The following GAB2 variants were observed in gnomAD, a reference collection of about 807,000 sequenced individuals.
GAB2 encodes GRB2 associated binding protein 2.
GAB2 carries 26 observed loss-of-function variants against 65.5 expected under a neutral mutation model. The observed-to-expected ratio is 0.40, with a 90% confidence interval of 0.29 to 0.55. GAB2 has a LOEUF of 0.55. GAB2 is among the 20% of genes least tolerant of loss of function. The probability of loss-of-function intolerance (pLI) is 0.53; values close to 1 mark genes in which losing one functional copy is unlikely to be tolerated. For synonymous variants in GAB2, 321 were observed against 329.6 expected (o/e 0.97, Z 0.28); for missense variants, 884 against 875.8 (o/e 1.01, Z -0.12).
At chr11:78,307,090 A>AG (rs1161787812) in intron 1 of GAB2, among the ~76,000 whole-genome samples, 8 of 152,234 alleles carry the variant, frequency 5.3e-5, no homozygotes, top group African/African-American at 1.9e-4. Flanking sequence ...AATAAAACCA[A>AG]GCATTCTAAG....
intron 3 of GAB2, among the ~76,000 whole-genome samples, chr11:78,234,435 T>C (rs1864932946): frequency 6.6e-6 from 1 of 152,094 alleles, no homozygotes; most frequent in Non-Finnish European, 1.5e-5. Flanking sequence ...ACATTTTAAT[T>C]TTTGGGTGAG....
chr11:78,222,899 A>G (rs947953198), intron 6 of GAB2, among the ~76,000 whole-genome samples: 8 of 152,340 alleles, frequency 5.3e-5, no homozygotes, highest in East Asian at 3.9e-4. Flanking sequence ...CCAAGAGACC[A>G]TATTTGAAGT....
chr11:78,335,666 G>T (rs1855984754), intron 1 of GAB2, among the ~76,000 whole-genome samples: 1 of 152,056 alleles, frequency 6.6e-6, no homozygotes, highest in Admixed American at 6.5e-5. Context: ...ATTTGAAGTG[G>T]GTAATGTGAT....
chr11:78,299,558 T>A (rs979734460), intron 1 of GAB2, among the ~76,000 whole-genome samples: 1 of 152,162 alleles, frequency 6.6e-6, no homozygotes, highest in African/African-American at 2.4e-5. Flanking sequence ...CATAAGCAAA[T>A]ACAGTATCAT....
At chr11:78,311,671 T>C (rs1855501877) in intron 1 of GAB2, among the ~76,000 whole-genome samples, 1 of 152,188 alleles carries the variant, frequency 6.6e-6, no homozygotes, top group South Asian at 2.1e-4. Context: ...GTACTGCTTA[T>C]TATATTGCTT....
At chr11:78,353,351 G>A (rs932786894) in intron 1 of GAB2, among the ~76,000 whole-genome samples, 11 of 152,224 alleles carry the variant, frequency 7.2e-5, no homozygotes, top group Admixed American at 7.2e-4. Context: ...TGAGGCAGGA[G>A]AATCACTTGA....
At chr11:78,318,876 C>T (rs1349700195) in intron 1 of GAB2, among the ~76,000 whole-genome samples, 1 of 152,202 alleles carries the variant, frequency 6.6e-6, no homozygotes, top group African/African-American at 2.4e-5. Flanking sequence ...AGTAAAGACC[C>T]ATCCCTTCCC....
At position 78,322,298 on chromosome 11, in the gene GAB2, C is replaced by CAAAAAAAAAAAAAAAAAAAAA. The variant is rs56709163; in HGVS notation, c.76-41418_76-41398dup. On this transcript the variant is annotated intron_variant, in intron 1 of 9. Coordinates refer to ENST00000361507, the MANE Select transcript of GAB2 (RefSeq NM_080491.3). ...TGGCTGACAGAGGGAGACTCTGTCTCAAAAAAAAAAAAAAAAAAAAAAAAA... is the reference window on the plus strand; with the variant it reads ...TGGCTGACAGAGGGAGACTCTGTCTCAAAAAAAAAAAAAAAAAAAAAAAAAAAAAAAAAAAAAAAAAAAAAA... 3.3e-4 allele frequency among the ~76,000 whole-genome samples: 4 copies of CAAAAAAAAAAAAAAAAAAAAA among 12,076 alleles called. 1 individual carries two copies. Among genetic ancestry groups the CAAAAAAAAAAAAAAAAAAAAA allele is most frequent in the Non-Finnish European group, 4.5e-4 (2 of 4,428 alleles). The allele number at this position is 12,076 out of a possible 152,430, so 7.9% of individuals were successfully genotyped here.
At chr11:78,236,529 C>CTT (rs1201463057) in intron 3 of GAB2, among the ~76,000 whole-genome samples, 1 of 152,134 alleles carries the variant, frequency 6.6e-6, no homozygotes, top group Non-Finnish European at 1.5e-5. Flanking sequence ...AGAACAGGTA[C>CTT]TTTCTCCTTG....
At chr11:78,309,901 C>T (rs549056697) in intron 1 of GAB2, among the ~76,000 whole-genome samples, 16 of 147,296 alleles carry the variant, frequency 1.1e-4, no homozygotes, top group Admixed American at 2.7e-4. Flanking sequence ...AGTCCCAGTA[C>T]GGTTCACTTT....
At chr11:78,305,215 C>T (rs529636964) in intron 1 of GAB2, among the ~76,000 whole-genome samples, 184 of 152,170 alleles carry the variant, frequency 1.2e-3, no homozygotes, top group Non-Finnish European at 2.1e-3. Context: ...TAATATCTTA[C>T]TAAACTCATA....
intron 1 of GAB2, among the ~76,000 whole-genome samples, chr11:78,393,257 C>T (rs1014388209): frequency 1.7e-4 from 26 of 152,166 alleles, no homozygotes; most frequent in African/African-American, 6.0e-4. Context: ...TCAATCTTTT[C>T]CCTCCCTACT....
intron 1 of GAB2, among the ~76,000 whole-genome samples, chr11:78,365,206 C>T (rs1025168827): frequency 6.6e-6 from 1 of 152,148 alleles, no homozygotes; most frequent in African/African-American, 2.4e-5. Flanking sequence ...CTCAGATAAG[C>T]AGAGGGACTT....
In GAB2 at chr11:78,357,375, T is replaced by C. The variant is rs1024527918; in HGVS notation, c.75+60271A>G. Among the ~76,000 whole-genome samples the C allele has an allele frequency of 1.1e-4, 17 of 152,158 alleles. No homozygotes were observed. The East Asian group carries it at 2.5e-3, about 22-fold the overall frequency. ...CTAGAAAAGAAGTAATGTCTTTTGGTTCCAAAAGCAATGGCAACAAAAGCC... is the reference window on the plus strand; with the variant it reads ...CTAGAAAAGAAGTAATGTCTTTTGGCTCCAAAAGCAATGGCAACAAAAGCC... On this transcript the variant is annotated intron_variant, in intron 1 of 9. Transcript: ENST00000361507.
chr11:78,273,894 C>G (rs957644812), intron 2 of GAB2, among the ~76,000 whole-genome samples: 1 of 152,176 alleles, frequency 6.6e-6, no homozygotes. Flanking sequence ...TGTAAGAGCT[C>G]TCTCTCGGCC....
In GAB2 at chr11:78,375,352, C is replaced by T. The variant is rs1217836925; in HGVS notation, c.75+42294G>A. 5.3e-5 allele frequency among the ~76,000 whole-genome samples: 8 copies of T among 152,114 alleles called. No homozygotes were observed. The East Asian group carries it at 1.2e-3, about 22-fold the overall frequency. On this transcript the variant is annotated intron_variant, in intron 1 of 9. Transcript: ENST00000361507. ...TTGTTTGTATTTTTTTTAGTCTGGG[C>T]ACAGCTTAATTAAAGTACTTTTTGA...
intron 1 of GAB2, among the ~76,000 whole-genome samples, chr11:78,353,720 T>C (rs1054099369): frequency 3.3e-5 from 5 of 152,244 alleles, no homozygotes; most frequent in Admixed American, 2.6e-4. Context: ...TAACTGCCTA[T>C]GGCTAATGAC....
chr11:78,306,320 T>C (rs1455841758), intron 1 of GAB2, among the ~76,000 whole-genome samples: 1 of 152,180 alleles, frequency 6.6e-6, no homozygotes, highest in African/African-American at 2.4e-5. Flanking sequence ...AACCTCCGCC[T>C]CCCAGGTTCA....
At chr11:78,336,287 C>T (rs1367134601) in intron 1 of GAB2, among the ~76,000 whole-genome samples, 1 of 128,476 alleles carries the variant, frequency 7.8e-6, no homozygotes, top group Non-Finnish European at 1.6e-5. Flanking sequence ...GCACTCACTG[C>T]ACTCACTCCA....
Sources: gnomAD v4.1 joint callset for allele counts (sites outside exome capture counted in the v4.1 genomes callset) on GRCh38, gnomAD v4.1.1 for gene constraint, MANE v1.5 for transcripts, NCBI Gene and HGNC (gene_info 2026-07-23, HGNC 2026-07-21) for gene names.